Variants in CNTNAP2 observed in about 807,000 individuals in gnomAD.
The protein encoded by CNTNAP2 is contactin associated protein 2, also known as contactin-associated protein-like 2.
Under a neutral mutation model 155.2 loss-of-function variants are expected in CNTNAP2, and 98 were observed. That is an observed-to-expected ratio of 0.63 (90% confidence interval 0.54 to 0.75). The LOEUF is 0.75. CNTNAP2 is among the 30% of genes least tolerant of loss of function. The pLI is 0.00. For missense variants in CNTNAP2, 1,727 were observed against 1,688.1 expected, an observed-to-expected ratio of 1.02 and a Z score of -0.40; for synonymous variants, 651 against 631.2, an observed-to-expected ratio of 1.03 and a Z score of -0.47.
intron 13 of CNTNAP2, among the ~76,000 whole-genome samples, chr7:147,886,243 C>T (rs2538978): frequency 0.048 from 7,323 of 152,026 alleles, 280 homozygotes; most frequent in African/African-American, 0.1. Flanking sequence ...GAGGCCAAGA[C>T]GGGTGGATTG....
intron 11 of CNTNAP2, among the ~76,000 whole-genome samples, chr7:147,491,802 A>G (rs1282162794): frequency 6.6e-6 from 1 of 152,240 alleles, no homozygotes; most frequent in Admixed American, 6.5e-5. Flanking sequence ...ATCAAGTCCA[A>G]TAACAAAATA....
At chr7:146,125,647 G>A (rs1797625171) in intron 1 of CNTNAP2, among the ~76,000 whole-genome samples, 1 of 149,498 alleles carries the variant, frequency 6.7e-6, no homozygotes. Flanking sequence ...AAATAGTACC[G>A]TGTCAGAGAT....
At chr7:146,547,602 A>G (rs1467859951) in intron 1 of CNTNAP2, among the ~76,000 whole-genome samples, 1 of 151,902 alleles carries the variant, frequency 6.6e-6, no homozygotes, top group Non-Finnish European at 1.5e-5. Context: ...TGACTGGCTT[A>G]TTTCATTTAG....
intron 1 of CNTNAP2, among the ~76,000 whole-genome samples, chr7:146,563,668 G>A (rs1798314743): frequency 6.6e-6 from 1 of 152,084 alleles, no homozygotes; most frequent in South Asian, 2.1e-4. Context: ...ATCTTACGGT[G>A]TCTGCTAGCA....
At chr7:148,172,527 C>A in intron 18 of CNTNAP2, 49 bp downstream of exon 18, 1 of 1,440,344 alleles carries the variant, frequency 6.9e-7, no homozygotes, top group Non-Finnish European at 9.8e-7. Context: ...CTTTTTAAGC[C>A]CAAATCATCT....
chr7:147,223,582 T>C (rs1803453956), intron 8 of CNTNAP2, among the ~76,000 whole-genome samples: 1 of 152,104 alleles, frequency 6.6e-6, no homozygotes, highest in African/African-American at 2.4e-5. Context: ...AGGAACGCAG[T>C]GTGGGATATT....
chr7:146,895,801 T>G (rs551033153), intron 3 of CNTNAP2, among the ~76,000 whole-genome samples: 1 of 152,258 alleles, frequency 6.6e-6, no homozygotes, highest in Non-Finnish European at 1.5e-5. Flanking sequence ...ATTATGTCAT[T>G]GTCTCAAAGT....
chr7:147,065,082 G>A (rs192721862), intron 4 of CNTNAP2, among the ~76,000 whole-genome samples: 1 of 152,240 alleles, frequency 6.6e-6, no homozygotes, highest in African/African-American at 2.4e-5. Context: ...ATGCACAAAT[G>A]GACAAGAAAT....
intron 1 of CNTNAP2, among the ~76,000 whole-genome samples, chr7:146,526,653 G>A (rs555067542): frequency 6.6e-6 from 1 of 152,272 alleles, no homozygotes; most frequent in African/African-American, 2.4e-5. Context: ...TGAGATTTGA[G>A]TGGGGATGTA....
intron 13 of CNTNAP2, among the ~76,000 whole-genome samples, chr7:147,887,014 G>A (rs572878325): frequency 6.6e-6 from 1 of 152,058 alleles, no homozygotes; most frequent in Admixed American, 6.5e-5. Flanking sequence ...CTAATTTGTA[G>A]AATAGTTCCT....
intron 1 of CNTNAP2, among the ~76,000 whole-genome samples, chr7:146,519,649 A>C (rs1797589734): frequency 6.6e-6 from 1 of 151,860 alleles, no homozygotes; most frequent in Admixed American, 6.6e-5. Flanking sequence ...TCAGAAGTGA[A>C]CTGAAATGTA....
intron 1 of CNTNAP2, among the ~76,000 whole-genome samples, chr7:146,597,616 A>G (rs989180215): frequency 1.3e-5 from 2 of 152,110 alleles, no homozygotes; most frequent in African/African-American, 4.8e-5. Context: ...ATATTTAGCA[A>G]TGTTATTTCA....
At chr7:148,073,440 T>C (rs1416254611) in intron 15 of CNTNAP2, among the ~76,000 whole-genome samples, 1 of 152,222 alleles carries the variant, frequency 6.6e-6, no homozygotes, top group Non-Finnish European at 1.5e-5. Context: ...TATGATGAAA[T>C]CTTACACCAT....
At chr7:147,254,019 C>T (rs1021521608) in intron 8 of CNTNAP2, among the ~76,000 whole-genome samples, 2 of 152,138 alleles carry the variant, frequency 1.3e-5, no homozygotes, top group Non-Finnish European at 2.9e-5. Flanking sequence ...CAACCCAGTG[C>T]TTGGGTGTCT....
chr7:148,186,441 C>T (rs1436790560), intron 18 of CNTNAP2, among the ~76,000 whole-genome samples: 1 of 152,114 alleles, frequency 6.6e-6, no homozygotes, highest in Non-Finnish European at 1.5e-5. Flanking sequence ...GTGTTTTTTC[C>T]ACCATATACA....
intron 1 of CNTNAP2, among the ~76,000 whole-genome samples, chr7:146,436,399 T>C (rs1796244171): frequency 1.3e-5 from 2 of 152,216 alleles, no homozygotes; most frequent in Admixed American, 6.5e-5. Flanking sequence ...TCATAATTTT[T>C]CACATGTATA....
At chr7:147,488,042 T>C (rs998219883) in intron 11 of CNTNAP2, among the ~76,000 whole-genome samples, 2 of 84,068 alleles carry the variant, frequency 2.4e-5, no homozygotes, top group Non-Finnish European at 4.4e-5. Flanking sequence ...CAAGAGAGGG[T>C]TGGCTGGTGA....
intron 3 of CNTNAP2, among the ~76,000 whole-genome samples, chr7:146,878,843 A>G (rs973919739): frequency 6.6e-6 from 1 of 151,980 alleles, no homozygotes; most frequent in African/African-American, 2.4e-5. Flanking sequence ...GAAATGTCCA[A>G]CTCAAAGCAG....
chr7:146,905,769 A>G (rs1796107743), intron 3 of CNTNAP2, among the ~76,000 whole-genome samples: 2 of 152,182 alleles, frequency 1.3e-5, no homozygotes, highest in Non-Finnish European at 2.9e-5. Flanking sequence ...ACTTAATACA[A>G]TAAAATTTGG....
Sources: allele counts gnomAD v4.1 joint callset (sites outside exome capture counted in the v4.1 genomes callset), GRCh38; gene constraint gnomAD v4.1.1; transcripts MANE v1.5; gene names NCBI Gene and HGNC (gene_info 2026-07-23, HGNC 2026-07-21).